CYP4F12: variants seen among roughly 807,000 people sequenced by gnomAD.
CYP4F12 encodes the protein cytochrome P450 4F12.
A neutral mutation model predicts 56.5 loss-of-function variants in CYP4F12; 60 were observed. The ratio of observed to expected loss-of-function variants is 1.06; its 90% CI spans 0.86 to 1.32. The LOEUF (loss-of-function observed/expected upper bound fraction) is 1.32, where lower values mean the gene tolerates loss of function less well. Among genes scored for constraint, CYP4F12 ranks in the 40% most tolerant of loss-of-function variants. CYP4F12 has a pLI of 0.00. For synonymous variants in CYP4F12, 263 were observed against 264.9 expected (o/e 0.99, Z 0.07); for missense variants, 711 against 683.5 (o/e 1.04, Z -0.45).
rs564765640 is a variant in CYP4F12, at chr19:15,680,679, A to G, written c.525+160A>G. On this transcript the variant is annotated intron_variant, in intron 5 of 12. Coordinates refer to ENST00000550308, the MANE Select transcript of CYP4F12 (RefSeq NM_023944.4). ...CTGTAAAATGGGGATGATAATCCCTACTTGAAAGGTCATTTACTTGGCACA... is the reference window on the plus strand; with the variant it reads ...CTGTAAAATGGGGATGATAATCCCTGCTTGAAAGGTCATTTACTTGGCACA... The G allele has an allele frequency of 5.4e-5, 51 of 939,968 alleles. No individual in the cohort carries two copies. In the African/African-American group the frequency reaches 6.9e-4, roughly 13 times the overall value. 58.2% of individuals were successfully genotyped at this position (939,968 alleles called of 1,614,324 possible). A position where few individuals can be genotyped will look rare whatever the true frequency, so the allele number is the denominator to read the frequency against.
chr19:15,685,577 C>T (rs2007563008), intron 9 of CYP4F12, among the ~76,000 whole-genome samples: 1 of 152,086 alleles, frequency 6.6e-6, no homozygotes, highest in African/African-American at 2.4e-5. Flanking sequence ...TCAATTCTTC[C>T]ATTATTGCTT....
intron 7 of CYP4F12, 86 bp from the exon 8 acceptor site, chr19:15,684,730 C>A: frequency 7.5e-7 from 1 of 1,335,856 alleles, no homozygotes. Context: ...TCAGGTTAGA[C>A]TCCGGAGTCT....
intron 8 of CYP4F12, 66 bp from the exon 9 acceptor site, chr19:15,685,002 G>A: frequency 6.3e-7 from 1 of 1,588,538 alleles, no homozygotes; most frequent in South Asian, 1.1e-5. Context: ...TCCTCCTGAG[G>A]GCCTCAATAT....
Position 15,680,387 on chromosome 19 carries a change from A to G in CYP4F12, c.398-5A>G, listed in dbSNP as rs143608773. The stretch of plus-strand genomic sequence containing the variant: ...CTTGCCCACTGTCCTTGGCTGCCCT[A>G]CTAGGAGAAGGGATACTGCTGAGTG... On this transcript the variant is annotated splice_region_variant and splice_polypyrimidine_tract_variant and intron_variant, in intron 4 of 12. Transcript: ENST00000550308. 4.3e-3 allele frequency: 6,993 copies of G among 1,613,010 alleles called. 41 individuals are homozygous for G. In the African/African-American group the frequency reaches 0.082, roughly 19 times the overall value.
chr19:15,684,864 G>A lies in CYP4F12; in HGVS notation c.967G>A (p.Asp323Asn), dbSNP rs1261514315. Reference protein sequence around the residue: ...LSDEDIRAEADTFMFGGHDTT... With the variant: ...LSDEDIRAEANTFMFGGHDTT... Reference sequence around the variant, plus strand: ...AGATGAGGATATAAGAGCAGAGGCTGACACCTTCATGTTTGGAGGTGAGGG... The same window carrying A: ...AGATGAGGATATAAGAGCAGAGGCTAACACCTTCATGTTTGGAGGTGAGGG... The change falls in exon 8 of 13, where the codon GAC becomes AAC. Residue 323 changes from aspartate to asparagine, a missense_variant. Transcript: ENST00000550308. The A allele has an allele frequency of 1.9e-6, 3 of 1,607,582 alleles. No individual in the cohort carries two copies. The highest frequency in any genetic ancestry group is 2.5e-6 in the Non-Finnish European group (3 of 1,176,868).
intron 2 of CYP4F12, 51 bp from the exon 3 acceptor site, chr19:15,678,210 A>G (rs1050666349): frequency 1.9e-6 from 3 of 1,610,948 alleles, no homozygotes; most frequent in Non-Finnish European, 2.5e-6. Context: ...AGTCTAGTGG[A>G]CACCTAAAAT....
chr19:15,683,724 C>T lies in CYP4F12; in HGVS notation c.879C>T (p.Ser293=). The change falls in exon 7 of 13, where the codon TCC becomes TCT. Residue 293 remains serine, a synonymous_variant. Coordinates refer to ENST00000550308, the MANE Select transcript of CYP4F12 (RefSeq NM_023944.4). ...IDDFFKDKAK[S]KTLDFIDVLL... is the part of the protein sequence containing the mutation. ...ATTTTTTCAAAGACAAAGCCAAGTC[C>T]AAGACTTTGGATTTCATTGATGTGC... is the stretch of plus-strand genomic sequence containing the variant. 2 of 1,589,948 alleles carry T rather than the reference C, an allele frequency of 1.3e-6. No individual in the cohort carries two copies. Among genetic ancestry groups the T allele is most frequent in the Non-Finnish European group, 1.7e-6 (2 of 1,168,966 alleles).
At chr19:15,692,725 C>T (rs1021701179) in intron 9 of CYP4F12, among the ~76,000 whole-genome samples, 2 of 152,020 alleles carry the variant, frequency 1.3e-5, no homozygotes, top group African/African-American at 2.4e-5. Flanking sequence ...TAGGGATAAC[C>T]TTATTTTGAC....
At chr19:15,673,246 G>C (rs1373701172) in intron 1 of CYP4F12, 111 bp downstream of exon 1, 2 of 573,758 alleles carry the variant, frequency 3.5e-6, no homozygotes, top group Admixed American at 4.5e-5. Context: ...GGGGTTTCCT[G>C]GTAACTGGAC....
At chr19:15,680,603 C>T in intron 5 of CYP4F12, 84 bp downstream of exon 5, 1 of 1,544,766 alleles carries the variant, frequency 6.5e-7, no homozygotes, top group Non-Finnish European at 8.9e-7. Context: ...TTTGGCTCTT[C>T]TGGGTGGCAC....
rs748795465 is a variant in CYP4F12, at chr19:15,678,295, C to T, written c.233C>T (p.Thr78Ile). The T allele has an allele frequency of 6.2e-7, 1 of 1,614,060 alleles. No homozygotes were observed. The highest frequency in any genetic ancestry group is 1.3e-5 in the African/African-American group (1 of 74,926). Residue 78 changes from threonine to isoleucine, a missense_variant, in exon 3 of 13, where the codon ACC becomes ATC. By Grantham distance (89) the Thr-to-Ile change is moderately conservative (BLOSUM62 -1). Coordinates refer to ENST00000550308, the MANE Select transcript of CYP4F12 (RefSeq NM_023944.4). ...TPTEEGLKNS[T>I]QMSATYSQGF... is the part of the protein sequence containing the mutation. ...ACAGAGGAGGGCTTGAAGAACTCGA[C>T]CCAGATGTCGGCCACCTATTCCCAG...
chr19:15,693,865 A>G (rs1408876394), intron 9 of CYP4F12, among the ~76,000 whole-genome samples: 1 of 137,420 alleles, frequency 7.3e-6, no homozygotes, highest in Non-Finnish European at 1.6e-5. Flanking sequence ...TAATTTTTGT[A>G]TAAGGTGTAA....
chr19:15,687,641 T>G (rs2007680214), intron 9 of CYP4F12, among the ~76,000 whole-genome samples: 1 of 142,652 alleles, frequency 7.0e-6, no homozygotes, highest in Non-Finnish European at 1.5e-5. Context: ...TGAAAAACTG[T>G]GAATCCTCAG....
chr19:15,692,260 CT>C (rs1179812712), intron 9 of CYP4F12, among the ~76,000 whole-genome samples: 1 of 152,038 alleles, frequency 6.6e-6, no homozygotes, highest in Non-Finnish European at 1.5e-5. Context: ...GGCAGAGTGG[CT>C]TTTTTTGTTG....
intron 9 of CYP4F12, among the ~76,000 whole-genome samples, chr19:15,688,367 CA>C (rs57886955): frequency 0.28 from 41,329 of 146,228 alleles, 6,077 homozygotes; most frequent in Non-Finnish European, 0.35. Flanking sequence ...AAAACAGTTG[CA>C]AAAAAAAAAA....
Position 15,683,652 on chromosome 19 carries a change from T to C in CYP4F12, c.807T>C (p.Ala269=). 3 of 1,613,868 alleles carry C rather than the reference T, an allele frequency of 1.9e-6. No homozygotes were observed. The highest frequency in any genetic ancestry group is 2.5e-6 in the Non-Finnish European group (3 of 1,179,918). The change falls in exon 7 of 13, where the codon GCT becomes GCC. Residue 269 remains alanine, a synonymous_variant. Transcript: ENST00000550308. The part of the protein sequence containing the change: ...ACRLVHDFTD[A]VIRERRRTLP... Reference sequence around the variant, plus strand: ...GCCTGGTGCATGACTTCACAGACGCTGTCATCCGGGAGCGGCGTCGCACCC... The same window carrying C: ...GCCTGGTGCATGACTTCACAGACGCCGTCATCCGGGAGCGGCGTCGCACCC...
intron 3 of CYP4F12, 134 bp from the exon 4 acceptor site, chr19:15,680,110 C>T (rs1393503066): frequency 1.1e-5 from 13 of 1,164,334 alleles, no homozygotes; most frequent in African/African-American, 4.6e-5. Context: ...ATCCTCCCTT[C>T]GTCCTTTGCC....
chr19:15,673,910 CCCA>C lies in CYP4F12; in HGVS notation c.198+185_198+187del, dbSNP rs1568411659. On this transcript the variant is annotated intron_variant, in intron 2 of 12. Transcript: ENST00000550308. ...ATTCCTCTACCCACTCACTCCTCTA[CCCA>C]CTCACTCACTCCTCTACCCACTCAC... 2.9e-3 allele frequency among the ~76,000 whole-genome samples: 3 copies of C among 1,038 alleles called. 1 individual carries two copies. The highest frequency in any genetic ancestry group is 2.5e-3 in the Non-Finnish European group (1 of 396). 0.7% of individuals were successfully genotyped at this position (1,038 alleles called of 152,430 possible).
intron 6 of CYP4F12, among the ~76,000 whole-genome samples, chr19:15,682,810 C>G (rs1165087042): frequency 6.6e-6 from 1 of 152,188 alleles, no homozygotes; most frequent in Non-Finnish European, 1.5e-5. Flanking sequence ...TTTATCAAGA[C>G]ATTTCCAGAG....
Sources: gnomAD v4.1 joint callset for allele counts (sites outside exome capture counted in the v4.1 genomes callset) on GRCh38, gnomAD v4.1.1 for gene constraint, MANE v1.5 for transcripts, NCBI Gene and HGNC (gene_info 2026-07-23, HGNC 2026-07-21) for gene names.